The following NF1 variants were observed in gnomAD, a reference collection of about 807,000 sequenced individuals.
The protein encoded by NF1 is neurofibromin.
A neutral mutation model predicts 325.7 loss-of-function variants in NF1; 122 were observed. The observed-to-expected ratio is 0.37, with a 90% CI of 0.32 to 0.44. The LOEUF (loss-of-function observed/expected upper bound fraction) is 0.44. Among genes scored for constraint, NF1 ranks in the 20% least tolerant of loss-of-function variants. The probability of loss-of-function intolerance (pLI) is 1.00; values close to 1 mark genes in which losing one functional copy is unlikely to be tolerated. For synonymous variants in NF1, 1,091 were observed against 1,186.0 expected (o/e 0.92, Z 1.65); for missense variants, 2,140 against 3,415.4 (o/e 0.63, Z 9.31).
chr17:31,247,824 T>C (rs1013752345), intron 29 of NF1, among the ~76,000 whole-genome samples: 1 of 152,240 alleles, frequency 6.6e-6, no homozygotes, highest in Non-Finnish European at 1.5e-5. Flanking sequence ...TATCTTCATC[T>C]ATCAACATGG....
chr17:31,332,572 TG>T (rs1287048015), intron 39 of NF1, among the ~76,000 whole-genome samples: 2,878 of 35,668 alleles, frequency 0.081, 631 homozygotes, highest in African/African-American at 0.15. Context: ...ATACAGATCA[TG>T]GTTTTTTTTT....
intron 5 of NF1, among the ~76,000 whole-genome samples, chr17:31,178,533 G>A (rs1387804058): frequency 6.6e-6 from 1 of 152,104 alleles, no homozygotes; most frequent in Non-Finnish European, 1.5e-5. Context: ...AAATGTAAAC[G>A]GGCTAAATGC....
intron 12 of NF1, among the ~76,000 whole-genome samples, chr17:31,210,308 C>T (rs117576575): frequency 3.9e-5 from 6 of 152,302 alleles, no homozygotes; most frequent in Non-Finnish European, 5.9e-5. Flanking sequence ...ACAGGCCGGG[C>T]ACAGTGGCTC....
chr17:31,184,622 C>T (rs1325248268), intron 8 of NF1, among the ~76,000 whole-genome samples: 14 of 147,760 alleles, frequency 9.5e-5, no homozygotes, highest in Admixed American at 6.8e-5. Flanking sequence ...TGCACTCCAG[C>T]CTGGGCGACA....
chr17:31,279,091 A>C (rs1329162989), intron 36 of NF1, among the ~76,000 whole-genome samples: 1 of 152,082 alleles, frequency 6.6e-6, no homozygotes, highest in Non-Finnish European at 1.5e-5. Context: ...ACATTTAAAA[A>C]AAAATTAGCC....
intron 47 of NF1, 149 bp from the exon 48 acceptor site, chr17:31,342,860 C>A: frequency 1.1e-6 from 1 of 912,092 alleles, no homozygotes; most frequent in East Asian, 2.5e-5. Context: ...CTAAAATGTT[C>A]TGTGGTTTTC....
At chr17:31,106,627 T>A (rs976211606) in intron 1 of NF1, among the ~76,000 whole-genome samples, 1 of 152,248 alleles carries the variant, frequency 6.6e-6, no homozygotes, top group Admixed American at 6.5e-5. Context: ...TTTTTCCTTT[T>A]AAGTTCATGT....
intron 30 of NF1, chr17:31,250,875 C>T (rs1043743438): frequency 1.1e-5 from 2 of 187,678 alleles, no homozygotes; most frequent in African/African-American, 4.7e-5. Context: ...AATAACAAAC[C>T]TGGTTTATTA....
At chr17:31,308,070 T>C (rs1340887982) in intron 36 of NF1, 2 of 365,900 alleles carry the variant, frequency 5.5e-6, no homozygotes, top group Non-Finnish European at 1.0e-5. Flanking sequence ...TGAATTAATC[T>C]TAAAAGTGTG....
At chr17:31,216,968 A>G (rs1270277872) in intron 13 of NF1, among the ~76,000 whole-genome samples, 1 of 152,112 alleles carries the variant, frequency 6.6e-6, no homozygotes, top group Non-Finnish European at 1.5e-5. Flanking sequence ...ACACTTTTCC[A>G]TGTTATAGGC....
chr17:31,292,597 G>T (rs954759088), intron 36 of NF1, among the ~76,000 whole-genome samples: 3 of 152,060 alleles, frequency 2.0e-5, no homozygotes, highest in African/African-American at 7.2e-5. Flanking sequence ...GTATAAGTGT[G>T]CCCATGCCAT....
intron 5 of NF1, among the ~76,000 whole-genome samples, chr17:31,177,838 T>C (rs3109324): frequency 0.58 from 87,468 of 151,392 alleles, 27,357 homozygotes; most frequent in Middle Eastern, 0.8. Flanking sequence ...TGAAAAGAAA[T>C]GAACAAAGCC....
intron 36 of NF1, chr17:31,304,533 T>C (rs747839271): frequency 2.5e-6 from 4 of 1,614,078 alleles, no homozygotes; most frequent in Non-Finnish European, 3.4e-6. Flanking sequence ...CAATTGTCAT[T>C]GTGGGTTTGT....
At position 31,181,458 on chromosome 17, in the gene NF1, C is replaced by T. The variant is rs758624540; in HGVS notation, c.623C>T (p.Ala208Val). Residue 208 changes from alanine (A) to valine (V), a missense_variant, in exon 6 of 58, where the codon GCG (alanine) becomes GTG (valine). Around this residue, in one of 10 missense-constraint regions of NF1, gnomAD observed 246 missense variants for 347.8 expected, o/e 0.71. Transcript: ENST00000358273. ...AAATTTAAAGCCCTAAAGAAGGTTG[C>T]GCAGTTAGCAGTTATAAATAGCCTG... ...AFKFKALKKV[A>V]QLAVINSLEK... 5.0e-6 allele frequency: 8 copies of T among 1,613,202 alleles called. No homozygotes were observed. The highest frequency in any genetic ancestry group is 1.3e-5 in the African/African-American group (1 of 74,852).
intron 36 of NF1, among the ~76,000 whole-genome samples, chr17:31,313,738 G>A (rs2151520424): frequency 6.6e-6 from 1 of 150,636 alleles, no homozygotes; most frequent in South Asian, 2.1e-4. Context: ...GTGTGTGTGT[G>A]TGTGTGTGTG....
chr17:31,356,783 A>G, intron 52 of NF1, 177 bp from the exon 53 acceptor site: 3 of 1,137,638 alleles, frequency 2.6e-6, no homozygotes, highest in East Asian at 2.5e-5. Flanking sequence ...TATATACAGC[A>G]TTGTAAATAG....
chr17:31,326,345 T>G, intron 37 of NF1, 93 bp downstream of exon 37: 1 of 1,270,558 alleles, frequency 7.9e-7, no homozygotes, highest in Non-Finnish European at 1.1e-6. Flanking sequence ...ACCCCTATAG[T>G]GGTGTATAAA....
rs199962521 is a variant in NF1 at position 31,342,987 on chromosome 17, A to G, written c.7063-22A>G. ...AGCTACTGTGTGAACCTCATCAACC[A>G]TCTCATGATTATCTTTAATAGAGTC... On this transcript the variant is annotated intron_variant, in intron 47 of 57. Coordinates refer to ENST00000358273, the MANE Select transcript of NF1 (RefSeq NM_001042492.3). 152 of 1,614,018 alleles carry G rather than the reference A, an allele frequency of 9.4e-5. No homozygotes were observed. In the African/African-American group the frequency reaches 1.4e-3, roughly 15 times the overall value.
At chr17:31,183,208 C>T (rs1465018565) in intron 8 of NF1, 3 of 215,306 alleles carry the variant, frequency 1.4e-5, no homozygotes, top group Non-Finnish European at 2.7e-5. Flanking sequence ...TAAATATCAC[C>T]TAGGTGATTG....
Sources: gnomAD v4.1 joint callset for allele counts (sites outside exome capture counted in the v4.1 genomes callset) on GRCh38, gnomAD v4.1.1 for gene constraint, gnomAD v4.1.1 regional missense constraint, MANE v1.5 for transcripts, NCBI Gene and HGNC (gene_info 2026-07-23, HGNC 2026-07-21) for gene names.